UMAD1: variants seen among roughly 807,000 people sequenced by gnomAD.
UMAD1 encodes the protein UBAP1-MVB12-associated (UMA)-domain containing protein 1.
A neutral mutation model predicts 6.1 loss-of-function variants in UMAD1; 8 were observed. That is an observed-to-expected ratio of 1.30 (90% CI 0.76 to 2.35). The LOEUF (loss-of-function observed/expected upper bound fraction) is 2.35, where lower values mean the gene tolerates loss of function less well. UMAD1 is among the 30% of genes most tolerant of loss of function. The probability of loss-of-function intolerance (pLI) is 0.00; values close to 1 mark genes in which losing one functional copy is unlikely to be tolerated. For missense variants in UMAD1, 130 were observed against 78.4 expected (o/e 1.66, Z -2.49); for synonymous variants, 56 against 31.4 (o/e 1.78, Z -2.61).
intron 2 of UMAD1, among the ~76,000 whole-genome samples, chr7:7,705,374 A>G (rs1042850258): frequency 2.6e-5 from 4 of 152,250 alleles, no homozygotes; most frequent in African/African-American, 9.6e-5. Context: ...TTTGGAGTTT[A>G]AAAAGTAATT....
chr7:7,712,884 G>A (rs1324892798), intron 2 of UMAD1, among the ~76,000 whole-genome samples: 2 of 152,206 alleles, frequency 1.3e-5, no homozygotes, highest in Admixed American at 6.5e-5. Flanking sequence ...GTTAGAATTG[G>A]TATAAGATTT....
chr7:7,839,483 C>A (rs993033003), intron 3 of UMAD1, among the ~76,000 whole-genome samples: 3 of 152,196 alleles, frequency 2.0e-5, no homozygotes, highest in African/African-American at 7.2e-5. Flanking sequence ...CAAACCCGGC[C>A]AGATGAACAC....
intron 2 of UMAD1, among the ~76,000 whole-genome samples, chr7:7,748,055 G>A (rs905266418): frequency 1.3e-5 from 2 of 151,016 alleles, no homozygotes; most frequent in Non-Finnish European, 2.9e-5. Context: ...TCCTGCCTCA[G>A]CCTCCTGAGT....
At chr7:7,833,714 C>T (rs985555079) in intron 3 of UMAD1, among the ~76,000 whole-genome samples, 4 of 152,058 alleles carry the variant, frequency 2.6e-5, no homozygotes, top group Admixed American at 6.6e-5. Context: ...CTGTGAAAAA[C>T]GAATTAGAAA....
intron 3 of UMAD1, among the ~76,000 whole-genome samples, chr7:7,815,498 A>C (rs1157059592): frequency 1.3e-5 from 2 of 152,162 alleles, no homozygotes; most frequent in East Asian, 3.8e-4. Flanking sequence ...TTCTCATGTG[A>C]CAAGAAGTCT....
intron 2 of UMAD1, among the ~76,000 whole-genome samples, chr7:7,795,119 T>C (rs1444495048): frequency 2.6e-5 from 4 of 152,238 alleles, no homozygotes; most frequent in Non-Finnish European, 2.9e-5. Context: ...TATTGACTTA[T>C]GTCTTTGCCT....
At chr7:7,839,629 T>C (rs1430845985) in intron 3 of UMAD1, among the ~76,000 whole-genome samples, 2 of 152,218 alleles carry the variant, frequency 1.3e-5, no homozygotes, top group East Asian at 3.9e-4. Flanking sequence ...ATAGGAATGA[T>C]CCGGGAGAGA....
chr7:7,719,289 A>G (rs949365243), intron 2 of UMAD1, among the ~76,000 whole-genome samples: 1 of 152,208 alleles, frequency 6.6e-6, no homozygotes, highest in East Asian at 1.9e-4. Flanking sequence ...TTGATCCAGT[A>G]TATAGTATGC....
intron 2 of UMAD1, among the ~76,000 whole-genome samples, chr7:7,766,485 A>G (rs1781987507): frequency 1.3e-5 from 2 of 152,206 alleles, no homozygotes; most frequent in Admixed American, 1.3e-4. Flanking sequence ...CTCACATAAT[A>G]AAAGAACTCC....
intron 3 of UMAD1, among the ~76,000 whole-genome samples, chr7:7,846,197 G>T (rs940464563): frequency 6.6e-6 from 1 of 152,134 alleles, no homozygotes; most frequent in Non-Finnish European, 1.5e-5. Context: ...TAGTTGTGCA[G>T]ATTTCAATGA....
At chr7:7,872,927 G>GA (rs1157864767) in intron 3 of UMAD1, among the ~76,000 whole-genome samples, 1 of 152,126 alleles carries the variant, frequency 6.6e-6, no homozygotes, top group Non-Finnish European at 1.5e-5. Context: ...AAAGGAGAGG[G>GA]AAAGGTATTA....
intron 2 of UMAD1, among the ~76,000 whole-genome samples, chr7:7,737,418 A>G (rs1020244527): frequency 2.0e-5 from 3 of 152,230 alleles, no homozygotes; most frequent in African/African-American, 4.8e-5. Context: ...TCAGGTTTCT[A>G]CCTACCACCA....
At chr7:7,670,808 GGA>G (rs1036375929) in intron 1 of UMAD1, among the ~76,000 whole-genome samples, 3 of 152,158 alleles carry the variant, frequency 2.0e-5, no homozygotes, top group African/African-American at 7.2e-5. Context: ...GCGAACAAAG[GGA>G]GAGAGAGAAC....
intron 2 of UMAD1, among the ~76,000 whole-genome samples, chr7:7,738,050 G>C (rs34609539): frequency 0.064 from 9,729 of 152,206 alleles, 405 homozygotes; most frequent in East Asian, 0.11. Context: ...GGATTCTAAA[G>C]TCAAGCTAAC....
intron 1 of UMAD1, among the ~76,000 whole-genome samples, chr7:7,671,619 C>T (rs1410874023): frequency 6.6e-6 from 1 of 152,082 alleles, no homozygotes; most frequent in Non-Finnish European, 1.5e-5. Flanking sequence ...GCTTGCAAAC[C>T]AATTCTTTTC....
intron 2 of UMAD1, among the ~76,000 whole-genome samples, chr7:7,709,463 A>G (rs1272738758): frequency 1.3e-5 from 2 of 152,258 alleles, no homozygotes; most frequent in Non-Finnish European, 2.9e-5. Flanking sequence ...GGAGGGCAGA[A>G]TGCTGTAAAA....
Position 7,763,603 on chromosome 7 carries a change from G to A in UMAD1, c.83-38067G>A, listed in dbSNP as rs191481983. Among the ~76,000 whole-genome samples, 26 of 152,314 alleles carry A rather than the reference G, an allele frequency of 1.7e-4. No individual in the cohort carries two copies. The East Asian group carries it at 3.5e-3, about 20-fold the overall frequency. On this transcript the variant is annotated intron_variant, in intron 2 of 3. Transcript: ENST00000682710. Reference sequence around the variant, plus strand: ...TTTAAGATTGAAATTTAGGCCGGGCGTGGTGGCTTACGCCTGTAATCCCAG... The same window carrying A: ...TTTAAGATTGAAATTTAGGCCGGGCATGGTGGCTTACGCCTGTAATCCCAG...
chr7:7,819,647 T>C (rs1783204214), intron 3 of UMAD1, among the ~76,000 whole-genome samples: 2 of 152,258 alleles, frequency 1.3e-5, no homozygotes. Context: ...AAAATAGTTT[T>C]AGTTTTGCTC....
intron 2 of UMAD1, among the ~76,000 whole-genome samples, chr7:7,780,688 T>C (rs1782327311): frequency 6.6e-6 from 1 of 152,188 alleles, no homozygotes; most frequent in Non-Finnish European, 1.5e-5. Context: ...TTTACATATA[T>C]GAAATGTATG....
Sources: gnomAD v4.1 joint callset for allele counts (sites outside exome capture counted in the v4.1 genomes callset) on GRCh38, gnomAD v4.1.1 for gene constraint, MANE v1.5 for transcripts, NCBI Gene and HGNC (gene_info 2026-07-23, HGNC 2026-07-21) for gene names.